The following ADCY6 variants were observed in gnomAD, a reference collection of about 807,000 sequenced individuals.
ADCY6 encodes adenylate cyclase 6.
A neutral mutation model predicts 111.6 loss-of-function variants in ADCY6; 59 were observed. The ratio of observed to expected loss-of-function variants is 0.53; its 90% CI spans 0.43 to 0.66. The LOEUF is 0.66. Ranked by LOEUF, ADCY6 falls within the 30% of genes least tolerant of loss-of-function variation. ADCY6 has a pLI of 0.00. For synonymous variants in ADCY6, 576 were observed against 642.9 expected (o/e 0.90, Z 1.57); for missense variants, 1,242 against 1,595.6 (o/e 0.78, Z 3.78).
chr12:48,788,883 C>T (rs1386625373), intron 1 of ADCY6, 23 bp downstream of exon 1: 1 of 151,384 alleles, frequency 6.6e-6, no homozygotes, highest in Non-Finnish European at 1.5e-5. Flanking sequence ...GCGGCCACTT[C>T]CCCTAGCCCT....
intron 18 of ADCY6, 110 bp downstream of exon 18, chr12:48,772,185 G>A: frequency 2.0e-6 from 3 of 1,469,742 alleles, no homozygotes; most frequent in Non-Finnish European, 2.7e-6. Context: ...GAACCAGGGT[G>A]GGCCTAGGTG....
At chr12:48,786,832 C>T (rs1431980637) in intron 1 of ADCY6, among the ~76,000 whole-genome samples, 9 of 152,170 alleles carry the variant, frequency 5.9e-5, no homozygotes, top group Non-Finnish European at 1.0e-4. Context: ...CAAACCTTAG[C>T]GTGATTATTT....
intron 2 of ADCY6, among the ~76,000 whole-genome samples, chr12:48,780,539 G>A (rs1941814939): frequency 6.6e-6 from 1 of 152,176 alleles, no homozygotes; most frequent in Non-Finnish European, 1.5e-5. Flanking sequence ...TGTGCCTATC[G>A]AGATCCACTA....
rs772443892 is a variant in ADCY6 at position 48,771,535 on chromosome 12, G to C, written c.3051+175C>G. 9.5e-7 allele frequency: 1 copy of C among 1,051,054 alleles called. No individual in the cohort carries two copies. The highest frequency in any genetic ancestry group is 1.9e-5 in the Admixed American group (1 of 51,952). The allele number at this position is 1,051,054 out of a possible 1,614,324, so 65.1% of individuals were successfully genotyped here. A position where few individuals can be genotyped will look rare whatever the true frequency, so the allele number is the denominator to read the frequency against. On this transcript the variant is annotated intron_variant, in intron 19 of 21. Coordinates refer to ENST00000357869, the MANE Select transcript of ADCY6 (RefSeq NM_015270.5). The surrounding 1 kb of genome is among the most constrained non-coding windows in gnomAD (Gnocchi z 4.3). ...CCCCACTAGGGCTGACCCCCTTGCTGCCTCTGACACCTTCATGGGTTCTTG... is the reference window on the plus strand; with the variant it reads ...CCCCACTAGGGCTGACCCCCTTGCTCCCTCTGACACCTTCATGGGTTCTTG...
rs1941425796 is a variant in ADCY6 at position 48,768,186 on chromosome 12, A to T, written c.*405T>A. The T allele has an allele frequency of 7.3e-6, 2 of 275,010 alleles. No individual in the cohort carries two copies. Among genetic ancestry groups the T allele is most frequent in the Non-Finnish European group, 1.4e-5 (2 of 141,316 alleles). The allele number at this position is 275,010 out of a possible 1,614,324, so 17.0% of individuals were successfully genotyped here. ...ACAAAATATTGTACAAAATATTCCC[A>T]GGAAAAAAGAGGGAAAAGAAGGGCT... On this transcript the variant is annotated 3_prime_UTR_variant, in exon 22 of 22. Coordinates refer to ENST00000357869, the MANE Select transcript of ADCY6 (RefSeq NM_015270.5).
Position 48,773,510 on chromosome 12 carries a change from G to A in ADCY6, c.2580C>T (p.Thr860=). 6.2e-7 allele frequency: 1 copy of A among 1,614,076 alleles called. No homozygotes were observed. Among genetic ancestry groups the A allele is most frequent in the Non-Finnish European group, 8.5e-7 (1 of 1,180,000 alleles). Residue 860 remains threonine (T), a synonymous_variant, in exon 16 of 22, where the codon ACC becomes ACT. Transcript: ENST00000357869. Reference sequence around the variant, plus strand: ...GCAGTAGGTCATAGTTGTCAAAGATGGTGGCTGGGGGACCCAGCAGAAGCA... The same window carrying A: ...GCAGTAGGTCATAGTTGTCAAAGATAGTGGCTGGGGGACCCAGCAGAAGCA... ...LVLLLLGPPA[T]IFDNYDLLLG... is the part of the protein sequence containing the mutation.
rs191851388 is a variant in ADCY6 at position 48,775,592 on chromosome 12, C to A, written c.1832+81G>T. ...TGCTCCCACACAACACTCCTAAGGTCAGGGAAAAGGAGGATCTCGGCTCCC... is the reference window on the plus strand; with the variant it reads ...TGCTCCCACACAACACTCCTAAGGTAAGGGAAAAGGAGGATCTCGGCTCCC... On this transcript the variant is annotated intron_variant, in intron 10 of 21. Coordinates refer to ENST00000357869, the MANE Select transcript of ADCY6 (RefSeq NM_015270.5). 578 of 1,585,888 alleles carry A rather than the reference C, an allele frequency of 3.6e-4. 2 individuals are homozygous for A. The African/African-American group carries it at 7.1e-3, about 19-fold the overall frequency.
In ADCY6 at chr12:48,771,448, G is replaced by A. The variant is rs1237434573; in HGVS notation, c.3051+262C>T. ...CCTTCTTCTTCAGTGACATCCACCT[G>A]GTACCTATCCTATCCCCCTACAGAT... On this transcript the variant is annotated intron_variant, in intron 19 of 21. Coordinates refer to ENST00000357869, the MANE Select transcript of ADCY6 (RefSeq NM_015270.5). The surrounding 1 kb of genome is among the most constrained non-coding windows in gnomAD (Gnocchi z 4.3). The A allele has an allele frequency of 1.7e-6, 1 of 594,484 alleles. No individual in the cohort carries two copies. The highest frequency in any genetic ancestry group is 3.0e-6 in the Non-Finnish European group (1 of 329,856). The allele number at this position is 594,484 out of a possible 1,614,324, so 36.8% of individuals were successfully genotyped here. A position where few individuals can be genotyped will look rare whatever the true frequency, so the allele number is the denominator to read the frequency against.
chr12:48,775,323 T>C lies in ADCY6; in HGVS notation c.1960A>G (p.Arg654Gly), dbSNP rs755495240. 1.2e-6 allele frequency: 2 copies of C among 1,614,004 alleles called. No homozygotes were observed. The highest frequency in any genetic ancestry group is 3.3e-5 in the Admixed American group (2 of 59,996). ...CAAACCTTCTTCTCAAGATCCTCTC[T>C]CTGGAAGGTGAGCAGAAACCGGCGC... ...HVRRFLLTFQREDLEKKYSRK... is the reference protein window; with the variant it reads ...HVRRFLLTFQGEDLEKKYSRK... Residue 654 changes from arginine (R) to glycine (G), a missense_variant, in exon 11 of 22, where the codon AGA (arginine) becomes GGA (glycine). Physicochemically the swap from Arg to Gly is moderately radical, Grantham distance 125. This residue lies in a region of ADCY6 where 375 missense variants were observed against 432.5 expected (regional missense o/e 0.87). Coordinates refer to ENST00000357869, the MANE Select transcript of ADCY6 (RefSeq NM_015270.5).
intron 20 of ADCY6, 123 bp from the exon 21 acceptor site, chr12:48,769,184 G>T (rs1941457890): frequency 9.1e-7 from 1 of 1,095,116 alleles, no homozygotes; most frequent in Non-Finnish European, 1.2e-6. Flanking sequence ...AAGTCTCCTG[G>T]TTGTAAAGAA....
Position 48,766,688 on chromosome 12 carries a change from G to C in ADCY6, c.*1903C>G, listed in dbSNP as rs1941387849. 1 of 152,644 alleles carries C rather than the reference G, an allele frequency of 6.6e-6. No homozygotes were observed. Among genetic ancestry groups the C allele is most frequent in the South Asian group, 2.1e-4 (1 of 4,830 alleles). 9.5% of individuals were successfully genotyped at this position (152,644 alleles called of 1,614,324 possible). On this transcript the variant is annotated 3_prime_UTR_variant, in exon 22 of 22. Coordinates refer to ENST00000357869, the MANE Select transcript of ADCY6 (RefSeq NM_015270.5). ...AAGGGAGGCATTACCCAGAAACCAG[G>C]CCTCCACAGGGAGCTGGTGTCAGAA...
rs1941889711 is a variant in ADCY6 at position 48,782,982 on chromosome 12, G to A, written c.453C>T (p.Ser151=). The A allele has an allele frequency of 6.2e-7, 1 of 1,613,626 alleles. No homozygotes were observed. Among genetic ancestry groups the A allele is most frequent in the South Asian group, 1.1e-5 (1 of 91,088 alleles). The change falls in exon 2 of 22, where the codon AGC becomes AGT. Residue 151 remains serine (S), a synonymous_variant. Coordinates refer to ENST00000357869, the MANE Select transcript of ADCY6 (RefSeq NM_015270.5). This position sits in a 1 kb window ranked among gnomAD's most constrained non-coding sequence, Gnocchi z 4.3. ...CCAGCACCGCCATCAGCAGCGTCAGGCTGCTCTGGTTCATCTGGAAGAAGT... is the reference window on the plus strand; with the variant it reads ...CCAGCACCGCCATCAGCAGCGTCAGACTGCTCTGGTTCATCTGGAAGAAGT... ...QRYFFQMNQS[S]LTLLMAVLVL... is the part of the protein sequence containing the mutation.
chr12:48,770,881 G>C lies in ADCY6; in HGVS notation c.3141C>G (p.Thr1047=), dbSNP rs768058945. ...TGTGGGAGCGGCCCACCTGATCGTA[G>C]GTGCTGGCGTTCAGCCCTGAGGCAG... ...YMAASGLNAS[T]YDQVGRSHIT... is the part of the protein sequence containing the mutation. Residue 1047 remains threonine, a synonymous_variant, in exon 20 of 22, where the codon ACC becomes ACG. Transcript: ENST00000357869. The C allele has an allele frequency of 6.2e-7, 1 of 1,614,240 alleles. No homozygotes were observed. The highest frequency in any genetic ancestry group is 8.5e-7 in the Non-Finnish European group (1 of 1,180,048).
Position 48,768,317 on chromosome 12 carries a change from T to C in ADCY6, c.*274A>G. 1.9e-6 allele frequency: 1 copy of C among 516,360 alleles called. No homozygotes were observed. Among genetic ancestry groups the C allele is most frequent in the Non-Finnish European group, 3.5e-6 (1 of 285,414 alleles). The allele number at this position is 516,360 out of a possible 1,614,324, so 32.0% of individuals were successfully genotyped here. A position where few individuals can be genotyped will look rare whatever the true frequency, so the allele number is the denominator to read the frequency against. On this transcript the variant is annotated 3_prime_UTR_variant, in exon 22 of 22. Coordinates refer to ENST00000357869, the MANE Select transcript of ADCY6 (RefSeq NM_015270.5). ...TCCCTCTGCTTCTGCTACTGACCCC[T>C]CCCCTGCTCCCAAAGGCTGGAAGAT...
Position 48,782,473 on chromosome 12 carries a change from CAT to C in ADCY6, c.864+96_864+97del. The stretch of plus-strand genomic sequence containing the variant: ...GACATCCCTGCACCCAGCTTCCACC[CAT>C]GACTCACCCGCCCTTCCTCACTAAG... On this transcript the variant is annotated intron_variant, in intron 2 of 21. Coordinates refer to ENST00000357869, the MANE Select transcript of ADCY6 (RefSeq NM_015270.5). This position sits in a 1 kb window ranked among gnomAD's most constrained non-coding sequence, Gnocchi z 4.3. 1 of 1,482,124 alleles carries C rather than the reference CAT, an allele frequency of 6.7e-7. No homozygotes were observed. The highest frequency in any genetic ancestry group is 1.4e-5 in the South Asian group (1 of 71,526). 91.8% of individuals were successfully genotyped at this position (1,482,124 alleles called of 1,614,324 possible). A position where few individuals can be genotyped will look rare whatever the true frequency, so the allele number is the denominator to read the frequency against.
Position 48,782,721 on chromosome 12 carries a change from G to T in ADCY6, c.714C>A (p.Gly238=). Reference sequence around the variant, plus strand: ...AGACAAAGAACACAGGGCACCAGAGGCCCGCAGAGGGGCTGCGCGGGTCTG... The same window carrying T: ...AGACAAAGAACACAGGGCACCAGAGTCCCGCAGAGGGGCTGCGCGGGTCTG... ...LAADPRSPSA[G]LWCPVFFVYI... The change falls in exon 2 of 22, where the codon GGC becomes GGA. Residue 238 remains glycine, a synonymous_variant. Transcript: ENST00000357869. The surrounding 1 kb of genome is among the most constrained non-coding windows in gnomAD (Gnocchi z 4.3). The T allele has an allele frequency of 6.3e-7, 1 of 1,595,298 alleles. No individual in the cohort carries two copies. Among genetic ancestry groups the T allele is most frequent in the Non-Finnish European group, 8.5e-7 (1 of 1,170,412 alleles).
chr12:48,781,957 C>T (rs1349508144), intron 2 of ADCY6, among the ~76,000 whole-genome samples: 2 of 152,182 alleles, frequency 1.3e-5, no homozygotes, highest in Admixed American at 6.5e-5. Flanking sequence ...AACAGTCCAA[C>T]CCCATTCAAA....
rs758506851 is a variant in ADCY6 at position 48,772,492 on chromosome 12, C to G, written c.2657+16G>C. 6.2e-7 allele frequency: 1 copy of G among 1,614,178 alleles called. No homozygotes were observed. Among genetic ancestry groups the G allele is most frequent in the African/African-American group, 1.3e-5 (1 of 75,032 alleles). ...CTAATGGCTCTACCCTTTGCTGCCTCGGAGCCCTCACTTACCAGTCCAGCC... is the reference window on the plus strand; with the variant it reads ...CTAATGGCTCTACCCTTTGCTGCCTGGGAGCCCTCACTTACCAGTCCAGCC... On this transcript the variant is annotated intron_variant, in intron 17 of 21. Coordinates refer to ENST00000357869, the MANE Select transcript of ADCY6 (RefSeq NM_015270.5).
At position 48,778,258 on chromosome 12, in the gene ADCY6, C is replaced by T. The variant is rs1471933477; in HGVS notation, c.865-1G>A. On this transcript the variant is annotated splice_acceptor_variant, in intron 2 of 21. Coordinates refer to ENST00000357869, the MANE Select transcript of ADCY6 (RefSeq NM_015270.5). LOFTEE classifies it high-confidence loss of function. ...GGAACAGCAGCACATTGGCACCGAG[C>T]TGCAGGAGGTGGCAGAGGCAGACAG... is the stretch of plus-strand genomic sequence containing the variant. 6.2e-7 allele frequency: 1 copy of T among 1,614,116 alleles called. No individual in the cohort carries two copies. The highest frequency in any genetic ancestry group is 8.5e-7 in the Non-Finnish European group (1 of 1,180,018).
Sources: allele counts gnomAD v4.1 joint callset (sites outside exome capture counted in the v4.1 genomes callset), GRCh38; gene constraint gnomAD v4.1.1; regional missense constraint gnomAD v4.1.1; non-coding constraint Gnocchi (gnomAD v3.1); transcripts MANE v1.5; gene names NCBI Gene and HGNC (gene_info 2026-07-23, HGNC 2026-07-21).